DDX5: variants seen among roughly 807,000 people sequenced by gnomAD.
DDX5 encodes the protein probable ATP-dependent RNA helicase DDX5.
A neutral mutation model predicts 68.6 loss-of-function variants in DDX5; 6 were observed. The ratio of observed to expected loss-of-function variants is 0.09; its 90% CI spans 0.05 to 0.17. The LOEUF is 0.17. DDX5 is among the 10% of genes least tolerant of loss of function. The pLI is 1.00. For synonymous variants in DDX5, 350 were observed against 247.0 expected (o/e 1.42, Z -3.91); for missense variants, 499 against 756.1 (o/e 0.66, Z 3.99).
At position 64,502,420 on chromosome 17, in the gene DDX5, T is replaced by A. The variant is rs782387257; in HGVS notation, c.1094+19A>T. Reference sequence around the variant, plus strand: ...AGCTGTTTTAATCAATCTGCTTCAATGGAGGAGCTCACACATACCCATCTC... The same window carrying A: ...AGCTGTTTTAATCAATCTGCTTCAAAGGAGGAGCTCACACATACCCATCTC... On this transcript the variant is annotated intron_variant, in intron 9 of 12. Coordinates refer to ENST00000225792, the MANE Select transcript of DDX5 (RefSeq NM_004396.5). 1.3e-6 allele frequency: 2 copies of A among 1,566,120 alleles called. No individual in the cohort carries two copies. Among genetic ancestry groups the A allele is most frequent in the South Asian group, 2.2e-5 (2 of 90,132 alleles).
rs2038215805 is a variant in DDX5, at chr17:64,498,690, CT to C, written c.*1232del. Among the ~76,000 whole-genome samples, 1 of 151,216 alleles carries C rather than the reference CT, an allele frequency of 6.6e-6. No individual in the cohort carries two copies. Among genetic ancestry groups the C allele is most frequent in the African/African-American group, 2.5e-5 (1 of 40,700 alleles). Reference sequence around the variant, plus strand: ...TTTAAATGAAGTCTCCTGAAGACCTCTCTTCTGGCAAAAAAAAACACGTATC... The same window carrying C: ...TTTAAATGAAGTCTCCTGAAGACCTCCTTCTGGCAAAAAAAAACACGTATC... On this transcript the variant is annotated 3_prime_UTR_variant, in exon 13 of 13. Coordinates refer to ENST00000225792, the MANE Select transcript of DDX5 (RefSeq NM_004396.5).
rs782537972 is a variant in DDX5, at chr17:64,503,795, A to G, written c.507+8T>C. 1.5e-5 allele frequency: 24 copies of G among 1,610,146 alleles called. No homozygotes were observed. In the South Asian group the frequency reaches 2.3e-4, roughly 16 times the overall value. On this transcript the variant is annotated splice_region_variant and intron_variant, in intron 5 of 12. Transcript: ENST00000225792. ...GCTTCTAATAAAAAGTTAAAAATAT[A>G]TACTTACAATAGGCCCATCGCCTCT...
At chr17:64,500,493 T>C (rs2038271510) in intron 12 of DDX5, 56 bp downstream of exon 12, 1 of 1,562,738 alleles carries the variant, frequency 6.4e-7, no homozygotes, top group South Asian at 1.1e-5. Context: ...TTTAAATGGA[T>C]TTGTAGACAA....
At chr17:64,501,648 G>C (rs1555671114) in intron 11 of DDX5, 1 of 266,664 alleles carries the variant, frequency 3.8e-6, no homozygotes, top group East Asian at 8.1e-5. Context: ...TACCATGGCA[G>C]TCATGCAAAG....
chr17:64,504,151 T>C (rs1401164417), intron 3 of DDX5, 35 bp from the exon 4 acceptor site: 9 of 1,613,214 alleles, frequency 5.6e-6, no homozygotes, highest in African/African-American at 4.0e-5. Context: ...TAAAAATTAG[T>C]GATGCCAAGA....
At chr17:64,505,248 T>C (rs572853360) in intron 1 of DDX5, 192 of 258,074 alleles carry the variant, frequency 7.4e-4, no homozygotes, top group African/African-American at 4.1e-3. Context: ...GTTACTCATA[T>C]GGCCGTTTTG....
chr17:64,505,385 A>G (rs1337815920), intron 1 of DDX5: 121 of 468,178 alleles, frequency 2.6e-4, no homozygotes, highest in Non-Finnish European at 1.9e-4. Flanking sequence ...CTCCGGATCA[A>G]CGAATCAAAA....
At position 64,498,836 on chromosome 17, in the gene DDX5, C is replaced by G. The variant is rs890308854; in HGVS notation, c.*1087G>C. Among the ~76,000 whole-genome samples the G allele has an allele frequency of 2.6e-5, 4 of 152,312 alleles. No individual in the cohort carries two copies. The highest frequency in any genetic ancestry group is 6.5e-5 in the Admixed American group (1 of 15,308). On this transcript the variant is annotated 3_prime_UTR_variant, in exon 13 of 13. Transcript: ENST00000225792. ...TCCCCTGGATCTTTCTAGCAATAAA[C>G]CCATGTTGAACCTACCATGAAAACT...
At position 64,504,269 on chromosome 17, in the gene DDX5, T is replaced by G; in HGVS notation, c.260A>C (p.His87Pro). The change falls in exon 3 of 13, where the codon CAC (histidine) becomes CCC (proline). Residue 87 changes from histidine (H) to proline (P), a missense_variant. His to Pro is a moderately conservative substitution (Grantham distance 77). This residue lies in a region of DDX5 where 140 missense variants were observed against 135.7 expected (regional missense o/e 1.03). Transcript: ENST00000225792. ...RRSKEITVRG[H>P]NCPKPVLNFY... is the part of the protein sequence containing the mutation. ...ATTTAGAACTGGCTTCGGGCAGTTG[T>G]GACCTCTAACTGTAATTTCCTTGCT... 1 of 1,614,168 alleles carries G rather than the reference T, an allele frequency of 6.2e-7. No individual in the cohort carries two copies. Among genetic ancestry groups the G allele is most frequent in the Non-Finnish European group, 8.5e-7 (1 of 1,180,030 alleles).
chr17:64,505,488 T>G (rs1359893499), intron 1 of DDX5: 2 of 576,884 alleles, frequency 3.5e-6, no homozygotes, highest in African/African-American at 3.8e-5. Context: ...GCGTTCCCGC[T>G]GGGGCGGCGC....
At chr17:64,502,686 A>G (rs2038329010) in intron 8 of DDX5, 137 bp from the exon 9 acceptor site, 1 of 747,240 alleles carries the variant, frequency 1.3e-6, no homozygotes, top group Admixed American at 2.8e-5. Flanking sequence ...TAATCCACTT[A>G]TCGAGCAGTT....
In DDX5 at chr17:64,506,279, A is replaced by G. The variant is rs1246338238; in HGVS notation, c.-160T>C. 3.3e-6 allele frequency: 5 copies of G among 1,533,222 alleles called. No homozygotes were observed. Among genetic ancestry groups the G allele is most frequent in the Non-Finnish European group, 4.4e-6 (5 of 1,139,840 alleles). 95.0% of individuals were successfully genotyped at this position (1,533,222 alleles called of 1,614,324 possible). A position where few individuals can be genotyped will look rare whatever the true frequency, so the allele number is the denominator to read the frequency against. Reference sequence around the variant, plus strand: ...GCTGCACTACTAGAGACCGGTAGAAATGAATGAGGTGCCGGCCGCTTTCCG... The same window carrying G: ...GCTGCACTACTAGAGACCGGTAGAAGTGAATGAGGTGCCGGCCGCTTTCCG... On this transcript the variant is annotated 5_prime_UTR_variant, in exon 1 of 13. Coordinates refer to ENST00000225792, the MANE Select transcript of DDX5 (RefSeq NM_004396.5).
At chr17:64,503,369 G>T (rs782539226) in intron 6 of DDX5, 21 bp from the exon 7 acceptor site, 1 of 1,614,070 alleles carries the variant, frequency 6.2e-7, no homozygotes, top group African/African-American at 1.3e-5. Flanking sequence ...ATACGTAAGT[G>T]TAACTACAAT....
At chr17:64,506,517 C>G, upstream of DDX5, 1 of 733,700 alleles carries the variant, frequency 1.4e-6, no homozygotes, top group Non-Finnish European at 2.0e-6. Flanking sequence ...ACCTCACCTT[C>G]TTCTGGTCTT....
chr17:64,502,794 T>A, intron 8 of DDX5, 132 bp downstream of exon 8: 1 of 954,368 alleles, frequency 1.0e-6, no homozygotes, highest in Non-Finnish European at 1.5e-6. Flanking sequence ...TCAAGAAATT[T>A]TCAGGATTAG....
chr17:64,506,291 C>T (rs1303968457), upstream of DDX5: 16 of 1,524,128 alleles, frequency 1.0e-5, no homozygotes, highest in East Asian at 2.5e-5. Context: ...GAATGAGGTG[C>T]CGGCCGCTTT....
rs1555672645 is a variant in DDX5 at position 64,506,246 on chromosome 17, C to G, written c.-127G>C. The G allele has an allele frequency of 6.5e-7, 1 of 1,548,824 alleles. No homozygotes were observed. Among genetic ancestry groups the G allele is most frequent in the Non-Finnish European group, 8.7e-7 (1 of 1,147,402 alleles). On this transcript the variant is annotated 5_prime_UTR_variant, in exon 1 of 13. Coordinates refer to ENST00000225792, the MANE Select transcript of DDX5 (RefSeq NM_004396.5). ...AGCGGAGGAAGGACACCGATGACACCAGCCGAAGCTGCACTACTAGAGACC... is the reference window on the plus strand; with the variant it reads ...AGCGGAGGAAGGACACCGATGACACGAGCCGAAGCTGCACTACTAGAGACC...
At chr17:64,505,806 C>T (rs1568109166) in intron 1 of DDX5, 1 of 1,536,054 alleles carries the variant, frequency 6.5e-7, no homozygotes, top group Non-Finnish European at 8.7e-7. Context: ...AATACGCTCC[C>T]TCTCAACTCC....
At position 64,502,051 on chromosome 17, in the gene DDX5, G is replaced by A. The variant is rs2038309409; in HGVS notation, c.1175C>T (p.Ala392Val). ...WVLNEFKHGK[A>V]PILIATDVAS... ...CACATCTGTAGCAATCAGAATAGGA[G>A]CTTTTCCATGTTTGAATTCTACAAA... The change falls in exon 11 of 13, where the codon GCT becomes GTT. Residue 392 changes from alanine to valine, a missense_variant. Coordinates refer to ENST00000225792, the MANE Select transcript of DDX5 (RefSeq NM_004396.5). 1.2e-6 allele frequency: 2 copies of A among 1,614,132 alleles called. No individual in the cohort carries two copies. The highest frequency in any genetic ancestry group is 1.1e-5 in the South Asian group (1 of 91,078).
Sources: gnomAD v4.1 joint callset for allele counts (sites outside exome capture counted in the v4.1 genomes callset) on GRCh38, gnomAD v4.1.1 for gene constraint, gnomAD v4.1.1 regional missense constraint, MANE v1.5 for transcripts, NCBI Gene and HGNC (gene_info 2026-07-23, HGNC 2026-07-21) for gene names.